Variants in LPL observed in about 807,000 individuals in gnomAD.
The protein encoded by LPL is lipoprotein lipase.
In LPL, 43 loss-of-function variants were observed where a neutral mutation model predicts 52.2. The ratio of observed to expected loss-of-function variants is 0.82; its 90% CI spans 0.64 to 1.06. The LOEUF (loss-of-function observed/expected upper bound fraction) is 1.06, where lower values mean the gene tolerates loss of function less well. Among genes scored for constraint, LPL ranks in the 50% least tolerant of loss-of-function variants. The probability of loss-of-function intolerance (pLI) is 0.00; values close to 1 mark genes in which losing one functional copy is unlikely to be tolerated. For missense variants in LPL, 639 were observed against 585.3 expected (o/e 1.09, Z -0.95); for synonymous variants, 244 against 215.6 (o/e 1.13, Z -1.15).
Position 19,965,323 on chromosome 8 carries a change from C to G in LPL, c.*13C>G, listed in dbSNP as rs751256031. On this transcript the variant is annotated 3_prime_UTR_variant, in exon 10 of 10. Coordinates refer to ENST00000650287, the MANE Select transcript of LPL (RefSeq NM_000237.3). ...GCTTTTTCTCAGAAACTGGGCGAAT[C>G]TACAGAACAAAGAACGGCATGTGAA... 5 of 780,468 alleles carry G rather than the reference C, an allele frequency of 6.4e-6. No homozygotes were observed. In the East Asian group the frequency reaches 1.2e-4, roughly 19 times the overall value. 48.3% of individuals were successfully genotyped at this position (780,468 alleles called of 1,614,324 possible).
Position 19,950,117 on chromosome 8 carries a change from G to A in LPL, c.250-1652G>A, listed in dbSNP as rs566086180. Among the ~76,000 whole-genome samples the A allele has an allele frequency of 2.4e-4, 37 of 152,230 alleles. No homozygotes were observed. Among genetic ancestry groups the A allele is most frequent in the Non-Finnish European group, 4.8e-4 (33 of 68,042 alleles). Reference sequence around the variant, plus strand: ...TGAGCACAGAGACTGCTGTCTGGCTGTGGGACTGAGTTGGGTCTGTGCAAG... The same window carrying A: ...TGAGCACAGAGACTGCTGTCTGGCTATGGGACTGAGTTGGGTCTGTGCAAG... On this transcript the variant is annotated intron_variant, in intron 2 of 9. Transcript: ENST00000650287. The surrounding 1 kb of genome is among the most constrained non-coding windows in gnomAD (Gnocchi z 4.2).
chr8:19,949,057 C>A (rs74377536), intron 2 of LPL, among the ~76,000 whole-genome samples: 13,893 of 152,230 alleles, frequency 0.091, 899 homozygotes, highest in East Asian at 0.26. Context: ...ATATGTCACA[C>A]AGTCACTTTA....
chr8:19,957,663 C>G (rs1030872997), intron 6 of LPL, among the ~76,000 whole-genome samples: 2 of 152,296 alleles, frequency 1.3e-5, no homozygotes, highest in South Asian at 2.1e-4. Flanking sequence ...AATTCAATGT[C>G]TCTTCATCTT....
intron 1 of LPL, among the ~76,000 whole-genome samples, chr8:19,945,850 C>T (rs2069878048): frequency 6.6e-6 from 1 of 152,136 alleles, no homozygotes; most frequent in Non-Finnish European, 1.5e-5. Flanking sequence ...AGATTGTTCA[C>T]ATCATCTCTG....
chr8:19,956,868 G>C (rs1040342085), intron 6 of LPL, among the ~76,000 whole-genome samples: 1 of 152,110 alleles, frequency 6.6e-6, no homozygotes, highest in Non-Finnish European at 1.5e-5. Context: ...CTTTCTCCTA[G>C]GCTGGAGGAG....
In LPL at chr8:19,948,164, A is replaced by G; in HGVS notation, c.89-16A>G. 1 of 1,613,648 alleles carries G rather than the reference A, an allele frequency of 6.2e-7. No individual in the cohort carries two copies. The highest frequency in any genetic ancestry group is 2.2e-5 in the East Asian group (1 of 44,872). On this transcript the variant is annotated splice_polypyrimidine_tract_variant and intron_variant, in intron 1 of 9. Transcript: ENST00000650287. ...CAACCCTCCAGTTAACCTCATATCC[A>G]ATTTTTCCTTTCCAGAAAGAAGAGA... is the stretch of plus-strand genomic sequence containing the variant.
At chr8:19,965,055 G>C (rs1026889319) in intron 9 of LPL, among the ~76,000 whole-genome samples, 5 of 152,110 alleles carry the variant, frequency 3.3e-5, no homozygotes, top group African/African-American at 1.2e-4. Context: ...AAATTTAGAA[G>C]TCATTTGGCC....
chr8:19,950,917 TGAAG>T lies in LPL; in HGVS notation c.250-838_250-835del, dbSNP rs147472779. Among the ~76,000 whole-genome samples the T allele has an allele frequency of 0.051, 5,106 of 101,066 alleles. 129 individuals are homozygous for T. The highest frequency in any genetic ancestry group is 0.14 in the Middle Eastern group (23 of 168). The allele number at this position is 101,066 out of a possible 152,430, so 66.3% of individuals were successfully genotyped here. A position where few individuals can be genotyped will look rare whatever the true frequency, so the allele number is the denominator to read the frequency against. ...AGGAATGAAGGAAGGAAGGAAGGAA[TGAAG>T]GAAGGAAGGAAGGGAGGGAGGAAGA... is the stretch of plus-strand genomic sequence containing the variant. On this transcript the variant is annotated intron_variant, in intron 2 of 9. Coordinates refer to ENST00000650287, the MANE Select transcript of LPL (RefSeq NM_000237.3). This position sits in a 1 kb window ranked among gnomAD's most constrained non-coding sequence, Gnocchi z 4.2.
chr8:19,959,237 T>A, intron 6 of LPL, 23 bp from the exon 7 acceptor site: 13 of 1,614,072 alleles, frequency 8.1e-6, no homozygotes, highest in Non-Finnish European at 1.1e-5. Flanking sequence ...TTGATCAACA[T>A]GTTCGAATTT....
chr8:19,944,080 G>C lies in LPL; in HGVS notation c.89-4100G>C, dbSNP rs181349660. Among the ~76,000 whole-genome samples the C allele has an allele frequency of 6.6e-6, 1 of 151,970 alleles. No homozygotes were observed. Among genetic ancestry groups the C allele is most frequent in the Non-Finnish European group, 1.5e-5 (1 of 67,970 alleles). On this transcript the variant is annotated intron_variant, in intron 1 of 9. Coordinates refer to ENST00000650287, the MANE Select transcript of LPL (RefSeq NM_000237.3). This position sits in a 1 kb window ranked among gnomAD's most constrained non-coding sequence, Gnocchi z 4.2. Reference sequence around the variant, plus strand: ...CAGGCACCTGTAATCCCGGCTACTCGGGAGGCTGAGGCAGAGAATGGCTTG... The same window carrying C: ...CAGGCACCTGTAATCCCGGCTACTCCGGAGGCTGAGGCAGAGAATGGCTTG...
chr8:19,965,636 C>T lies in LPL; in HGVS notation c.*326C>T, dbSNP rs1211191651. 5 of 301,432 alleles carry T rather than the reference C, an allele frequency of 1.7e-5. No homozygotes were observed. Among genetic ancestry groups the T allele is most frequent in the South Asian group, 1.5e-4 (2 of 13,586 alleles). The allele number at this position is 301,432 out of a possible 1,614,324, so 18.7% of individuals were successfully genotyped here. On this transcript the variant is annotated 3_prime_UTR_variant, in exon 10 of 10. Transcript: ENST00000650287. ...AGTAAAATAAGGCTCCTTCATGTGGCGTATTGGGCCATAGCCTATAATTGG... is the reference window on the plus strand; with the variant it reads ...AGTAAAATAAGGCTCCTTCATGTGGTGTATTGGGCCATAGCCTATAATTGG...
At chr8:19,951,413 G>A (rs553944229) in intron 2 of LPL, among the ~76,000 whole-genome samples, 1 of 152,290 alleles carries the variant, frequency 6.6e-6, no homozygotes, top group East Asian at 1.9e-4. Flanking sequence ...TCCTAGCCAG[G>A]TGCTCCTGCT....
chr8:19,959,852 G>A (rs1305014550), intron 7 of LPL, among the ~76,000 whole-genome samples: 3 of 126,838 alleles, frequency 2.4e-5, no homozygotes, highest in Non-Finnish European at 3.1e-5. Flanking sequence ...GCAGTGATTC[G>A]ATCTCAGCTC....
chr8:19,952,016 G>A (rs1300152528), intron 3 of LPL, 68 bp downstream of exon 3: 9 of 1,544,510 alleles, frequency 5.8e-6, no homozygotes, highest in South Asian at 4.5e-5. Context: ...AAAACCGGCT[G>A]TTCTTTCTTC....
chr8:19,956,114 C>T, intron 6 of LPL, 31 bp downstream of exon 6: 2 of 1,613,412 alleles, frequency 1.2e-6, no homozygotes, highest in Non-Finnish European at 1.7e-6. Flanking sequence ...AATAAGGAAA[C>T]CAAGGAGTCC....
At chr8:19,955,187 T>C (rs936875552) in intron 5 of LPL, among the ~76,000 whole-genome samples, 2 of 152,210 alleles carry the variant, frequency 1.3e-5, no homozygotes, top group African/African-American at 2.4e-5. Flanking sequence ...TCATTTGATA[T>C]AAAAGAGTGT....
At chr8:19,961,996 T>A in intron 8 of LPL, 119 bp from the exon 9 acceptor site, 2 of 759,626 alleles carry the variant, frequency 2.6e-6, no homozygotes, top group Non-Finnish European at 4.8e-6. Flanking sequence ...ATTGGGAATA[T>A]CAAAACAATT....
Position 19,954,365 on chromosome 8 carries a change from T to A in LPL, c.775+12T>A. The A allele has an allele frequency of 6.2e-7, 1 of 1,607,764 alleles. No homozygotes were observed. The highest frequency in any genetic ancestry group is 8.5e-7 in the Non-Finnish European group (1 of 1,174,240). On this transcript the variant is annotated intron_variant, in intron 5 of 9. Coordinates refer to ENST00000650287, the MANE Select transcript of LPL (RefSeq NM_000237.3). ...GAGAGGACTTGGAGGTAAATATTAT[T>A]TAGAAGCGAATTAAATGTGACTCTT...
chr8:19,942,459 G>A (rs2069849129), intron 1 of LPL, among the ~76,000 whole-genome samples: 1 of 152,088 alleles, frequency 6.6e-6, no homozygotes, highest in Non-Finnish European at 1.5e-5. Flanking sequence ...TTACTAATAA[G>A]GTAAATTCCA....
Sources: allele counts gnomAD v4.1 joint callset (sites outside exome capture counted in the v4.1 genomes callset), GRCh38; gene constraint gnomAD v4.1.1; non-coding constraint Gnocchi (gnomAD v3.1); transcripts MANE v1.5; gene names NCBI Gene and HGNC (gene_info 2026-07-23, HGNC 2026-07-21).